WRN: variants seen among roughly 807,000 people sequenced by gnomAD.
The protein encoded by WRN is bifunctional 3'-5' exonuclease/ATP-dependent helicase WRN.
WRN carries 149 observed loss-of-function variants against 180.7 expected under a neutral mutation model. The observed-to-expected ratio is 0.82, with a 90% CI of 0.72 to 0.94. The LOEUF is 0.94. Among genes scored for constraint, WRN ranks in the 40% least tolerant of loss-of-function variants. The pLI is 0.00. For missense variants in WRN, 1,661 were observed against 1,700.1 expected, an observed-to-expected ratio of 0.98 and a Z score of 0.40; for synonymous variants, 548 against 568.9, an observed-to-expected ratio of 0.96 and a Z score of 0.52.
chr8:31,149,468 T>G (rs1218995308), intron 30 of WRN, among the ~76,000 whole-genome samples: 5 of 56,048 alleles, frequency 8.9e-5, no homozygotes, highest in African/African-American at 3.1e-4. Flanking sequence ...TTTTTTTTTT[T>G]TTTTTTTTTT....
At chr8:31,037,103 C>T (rs560777474) in intron 1 of WRN, among the ~76,000 whole-genome samples, 1 of 152,234 alleles carries the variant, frequency 6.6e-6, no homozygotes, top group Non-Finnish European at 1.5e-5. Flanking sequence ...TTATACAATT[C>T]ACCATAATGT....
At position 31,108,471 on chromosome 8, in the gene WRN, ATT is replaced by A. The variant is rs894106381; in HGVS notation, c.2089-3136_2089-3135del. Among the ~76,000 whole-genome samples, 5 of 151,254 alleles carry A rather than the reference ATT, an allele frequency of 3.3e-5. No individual in the cohort carries two copies. In the East Asian group the frequency reaches 9.7e-4, roughly 29 times the overall value. On this transcript the variant is annotated intron_variant, in intron 18 of 34. Coordinates refer to ENST00000298139, the MANE Select transcript of WRN (RefSeq NM_000553.6). ...GCTTATCATTAATTTTTATTTATTTATTTTTTTTTCCAGTTTTGGAATTCTTA... is the reference window on the plus strand; with the variant it reads ...GCTTATCATTAATTTTTATTTATTTATTTTTTTCCAGTTTTGGAATTCTTA...
intron 17 of WRN, among the ~76,000 whole-genome samples, chr8:31,099,548 T>G (rs1286817914): frequency 6.7e-6 from 1 of 150,368 alleles, no homozygotes; most frequent in Non-Finnish European, 1.5e-5. Flanking sequence ...TTTAGTAGGT[T>G]TTTTTTTTGT....
At chr8:31,151,492 CAT>C (rs763471950) in intron 31 of WRN, among the ~76,000 whole-genome samples, 6 of 152,072 alleles carry the variant, frequency 3.9e-5, no homozygotes, top group Non-Finnish European at 5.9e-5. Flanking sequence ...TATAAGACAT[CAT>C]GTGAAAATTC....
At chr8:31,168,846 C>G (rs529960487) in intron 34 of WRN, among the ~76,000 whole-genome samples, 4 of 152,034 alleles carry the variant, frequency 2.6e-5, no homozygotes, top group Non-Finnish European at 5.9e-5. Context: ...TATTAGTTGA[C>G]GTATTGTTGT....
In WRN at chr8:31,147,078, G is replaced by T. The variant is rs545826298; in HGVS notation, c.3409G>T (p.Ala1137Ser). ...KSIMVQSPEK[A>S]YSSSQPVISA... ...TATCATGGTACAGTCACCAGAAAAA[G>T]CTTACAGTTCCTCACAGCCTGTTAT... is the stretch of plus-strand genomic sequence containing the variant. Residue 1137 changes from alanine to serine, a missense_variant, in exon 29 of 35, where the codon GCT (alanine) becomes TCT (serine). Physicochemically the swap from Ala to Ser is moderately conservative, Grantham distance 99. Coordinates refer to ENST00000298139, the MANE Select transcript of WRN (RefSeq NM_000553.6). 1.9e-6 allele frequency: 3 copies of T among 1,613,574 alleles called. No individual in the cohort carries two copies. The highest frequency in any genetic ancestry group is 2.5e-6 in the Non-Finnish European group (3 of 1,179,786).
At chr8:31,068,423 C>T (rs1445821199) in intron 7 of WRN, 96 bp downstream of exon 7, 1 of 1,025,222 alleles carries the variant, frequency 9.8e-7, no homozygotes, top group Non-Finnish European at 1.5e-6. Flanking sequence ...GCATTTAGTA[C>T]TATAACTTCT....
At chr8:31,055,126 G>A (rs1812220034) in intron 1 of WRN, among the ~76,000 whole-genome samples, 1 of 152,086 alleles carries the variant, frequency 6.6e-6, no homozygotes, top group Admixed American at 6.6e-5. Flanking sequence ...TCATTGATGG[G>A]CATTTGGTTT....
At chr8:31,110,072 A>T (rs549637215) in intron 18 of WRN, among the ~76,000 whole-genome samples, 60 of 151,664 alleles carry the variant, frequency 4.0e-4, no homozygotes, top group African/African-American at 1.4e-3. Flanking sequence ...TAGTGCATTT[A>T]TATAAATTAT....
At chr8:31,062,989 C>T (rs1401937320) in intron 3 of WRN, among the ~76,000 whole-genome samples, 1 of 151,980 alleles carries the variant, frequency 6.6e-6, no homozygotes, top group Non-Finnish European at 1.5e-5. Flanking sequence ...TGCTGCCATG[C>T]CTGGCTAATT....
chr8:31,098,864 C>T (rs1393573743), intron 17 of WRN, among the ~76,000 whole-genome samples: 1 of 152,122 alleles, frequency 6.6e-6, no homozygotes, highest in African/African-American at 2.4e-5. Context: ...TTTGTCAAAC[C>T]TGTAACTAAA....
chr8:31,165,211 G>A (rs192663315), intron 33 of WRN, among the ~76,000 whole-genome samples: 1 of 152,034 alleles, frequency 6.6e-6, no homozygotes, highest in East Asian at 1.9e-4. Flanking sequence ...GCTCAAGCTT[G>A]TGTGATTTTT....
chr8:31,168,198 T>A (rs1318520112), intron 34 of WRN, among the ~76,000 whole-genome samples: 1 of 152,148 alleles, frequency 6.6e-6, no homozygotes, highest in African/African-American at 2.4e-5. Context: ...AATCTTTATA[T>A]TGTTTATAAC....
At chr8:31,050,929 A>C (rs1483247544) in intron 1 of WRN, among the ~76,000 whole-genome samples, 2 of 152,204 alleles carry the variant, frequency 1.3e-5, no homozygotes, top group East Asian at 3.8e-4. Context: ...TTTGAATAAA[A>C]TAGTATTGAA....
rs142346721 is a variant in WRN at position 31,064,405 on chromosome 8, G to A, written c.326G>A (p.Cys109Tyr). Residue 109 changes from cysteine to tyrosine, a missense_variant, in exon 4 of 35, where the codon TGT becomes TAT. By Grantham distance (194) the Cys-to-Tyr change is radical. Around this residue, in one of 3 missense-constraint regions of WRN, gnomAD observed 500 missense variants for 504.1 expected, o/e 0.99. Coordinates refer to ENST00000298139, the MANE Select transcript of WRN (RefSeq NM_000553.6). ...LIQLCVSESK[C>Y]YLFHVSSMSV... ...CAGTTGTGTGTTTCTGAGAGCAAAT[G>A]TTACTTGTTCCACGTTTCTTCCATG... is the stretch of plus-strand genomic sequence containing the variant. 5.6e-5 allele frequency: 90 copies of A among 1,614,070 alleles called. No individual in the cohort carries two copies. In the African/African-American group the frequency reaches 8.7e-4, roughly 16 times the overall value.
rs148205229 is a variant in WRN at position 31,068,129 on chromosome 8, A to G, written c.655-129A>G. 871 of 676,980 alleles carry G rather than the reference A, an allele frequency of 1.3e-3. 7 individuals are homozygous for G. The Middle Eastern group carries it at 0.021, about 16-fold the overall frequency. 41.9% of individuals were successfully genotyped at this position (676,980 alleles called of 1,614,324 possible). On this transcript the variant is annotated intron_variant, in intron 6 of 34. Transcript: ENST00000298139. Reference sequence around the variant, plus strand: ...ATGAGGACATATTGATATTTGTGTCACATAATAGGTTGAATTCCATGTTTG... The same window carrying G: ...ATGAGGACATATTGATATTTGTGTCGCATAATAGGTTGAATTCCATGTTTG...
Position 31,060,309 on chromosome 8 carries a change from A to G in WRN, c.209+1044A>G, listed in dbSNP as rs569085752. Among the ~76,000 whole-genome samples the G allele has an allele frequency of 3.7e-4, 56 of 152,296 alleles. 1 individual carries two copies. In the South Asian group the frequency reaches 0.011, roughly 30 times the overall value. On this transcript the variant is annotated intron_variant, in intron 3 of 34. Transcript: ENST00000298139. ...GTGCTGGGCACAGTGGCTCATGCCTATAACCCCTACACTTTGGGAGGCCAA... is the reference window on the plus strand; with the variant it reads ...GTGCTGGGCACAGTGGCTCATGCCTGTAACCCCTACACTTTGGGAGGCCAA...
In WRN at chr8:31,160,090, A is replaced by G. The variant is rs568783873; in HGVS notation, c.3982+2560A>G. On this transcript the variant is annotated intron_variant, in intron 33 of 34. Coordinates refer to ENST00000298139, the MANE Select transcript of WRN (RefSeq NM_000553.6). The stretch of plus-strand genomic sequence containing the variant: ...AAAAATTACCTAATGTCATCTGAGC[A>G]ACAAGAAGAAGAAATGAAAGGCATT... Among the ~76,000 whole-genome samples the G allele has an allele frequency of 2.6e-5, 4 of 152,314 alleles. No homozygotes were observed. In the East Asian group the frequency reaches 5.8e-4, roughly 22 times the overall value.
chr8:31,111,430 T>C (rs1461340394), intron 18 of WRN, among the ~76,000 whole-genome samples, 185 bp from the exon 19 acceptor site: 2 of 152,214 alleles, frequency 1.3e-5, no homozygotes, highest in African/African-American at 2.4e-5. Context: ...AAGTAAATAT[T>C]GTTTCCAGAA....
Sources: allele counts gnomAD v4.1 joint callset (sites outside exome capture counted in the v4.1 genomes callset), GRCh38; gene constraint gnomAD v4.1.1; regional missense constraint gnomAD v4.1.1; transcripts MANE v1.5; gene names NCBI Gene and HGNC (gene_info 2026-07-23, HGNC 2026-07-21).